The following MTA3 variants were observed in gnomAD, a reference collection of about 807,000 sequenced individuals.
The protein encoded by MTA3 is metastasis associated 1 family member 3.
A neutral mutation model predicts 83.5 loss-of-function variants in MTA3; 34 were observed. That is an observed-to-expected ratio of 0.41 (90% CI 0.31 to 0.54). The LOEUF is 0.54. MTA3 is among the 20% of genes least tolerant of loss of function. The pLI, the probability that MTA3 is intolerant of heterozygous loss-of-function variation, is 0.33. For missense variants in MTA3, 761 were observed against 726.4 expected (o/e 1.05, Z -0.55); for synonymous variants, 303 against 252.7 (o/e 1.20, Z -1.89).
chr2:42,755,146 A>G lies in MTA3; in HGVS notation c.*1747A>G, dbSNP rs1302129032. ...TGGGAGGAGGTGCCGCATCACGTGG[A>G]TGTTTCTTCCCTAAAGAAAAAGACA... On this transcript the variant is annotated 3_prime_UTR_variant, in exon 17 of 17. Coordinates refer to ENST00000405094, the MANE Select transcript of MTA3 (RefSeq NM_001330442.2). 1.0e-6 allele frequency: 1 copy of G among 985,260 alleles called. No individual in the cohort carries two copies. Among genetic ancestry groups the G allele is most frequent in the Non-Finnish European group, 1.2e-6 (1 of 829,962 alleles). 61.0% of individuals were successfully genotyped at this position (985,260 alleles called of 1,614,324 possible).
At chr2:42,553,448 G>A (rs577053695) in intron 2 of MTA3, among the ~76,000 whole-genome samples, 1 of 145,536 alleles carries the variant, frequency 6.9e-6, no homozygotes, top group South Asian at 2.2e-4. Flanking sequence ...ATTAGGCTGG[G>A]TGTTGGGCCA....
intron 14 of MTA3, among the ~76,000 whole-genome samples, chr2:42,718,781 A>C (rs1041659192): frequency 3.9e-5 from 6 of 152,114 alleles, no homozygotes; most frequent in Admixed American, 6.5e-5. Context: ...ACTACTACTA[A>C]TAATTACATG....
At chr2:42,676,546 G>C (rs750131646) in intron 8 of MTA3, among the ~76,000 whole-genome samples, 3 of 152,112 alleles carry the variant, frequency 2.0e-5, no homozygotes, top group Non-Finnish European at 2.9e-5. Context: ...CAGGCAGATC[G>C]CTTGAGCCCA....
At chr2:42,556,633 A>G (rs180986449) in intron 2 of MTA3, among the ~76,000 whole-genome samples, 93 of 152,300 alleles carry the variant, frequency 6.1e-4, no homozygotes, top group African/African-American at 2.0e-3. Context: ...AAGCTCGACC[A>G]AGATGGAGAA....
chr2:42,674,578 T>C (rs1170214392), intron 8 of MTA3, among the ~76,000 whole-genome samples: 1 of 150,960 alleles, frequency 6.6e-6, no homozygotes, highest in Admixed American at 6.7e-5. Flanking sequence ...GGAAGACTTT[T>C]AGTTTAGTTT....
Position 42,499,825 on chromosome 2 carries a change from T to G in MTA3, c.-141+4571T>G, listed in dbSNP as rs1006247920. On this transcript the variant is annotated intron_variant, in intron 2 of 17. Transcript: ENST00000405592. ...GACAGAAAGAAACTTTCAGAAGTGA[T>G]GGATATGTTTATGGCATAGATTGTG... Among the ~76,000 whole-genome samples the G allele has an allele frequency of 6.6e-5, 10 of 151,904 alleles. No homozygotes were observed. The East Asian group carries it at 1.9e-3, about 30-fold the overall frequency.
At chr2:42,707,051 A>G (rs1337936768) in intron 12 of MTA3, among the ~76,000 whole-genome samples, 1 of 150,158 alleles carries the variant, frequency 6.7e-6, no homozygotes, top group South Asian at 2.2e-4. Context: ...AGTGGCCTCA[A>G]CCTCCCAGGC....
rs1389061526 is a variant in MTA3, at chr2:42,579,109, T to G, written c.99T>G (p.Thr33=). 2 of 1,601,580 alleles carry G rather than the reference T, an allele frequency of 1.2e-6. No homozygotes were observed. Among genetic ancestry groups the G allele is most frequent in the Admixed American group, 3.5e-5 (2 of 57,880 alleles). Residue 33 remains threonine (T), a splice_region_variant and synonymous_variant, in exon 3 of 17, where the codon ACT becomes ACG. Transcript: ENST00000405094. ...LIRRIEELNK[T]ASGNVEAKVV... is the part of the protein sequence containing the mutation. ...CTTTTATTTTTCTTATCTCTTAGAC[T>G]GCAAGTGGCAACGTGGAAGCAAAAG...
At chr2:42,598,056 T>G (rs1196307660) in intron 3 of MTA3, among the ~76,000 whole-genome samples, 7 of 151,484 alleles carry the variant, frequency 4.6e-5, no homozygotes, top group African/African-American at 1.7e-4. Context: ...TTTTTGCTAC[T>G]ATTTTTATTT....
At chr2:42,669,731 A>G (rs887295140) in intron 8 of MTA3, among the ~76,000 whole-genome samples, 7 of 152,210 alleles carry the variant, frequency 4.6e-5, no homozygotes, top group African/African-American at 1.7e-4. Flanking sequence ...TTTATGGTCT[A>G]TTAATCCATC....
At position 42,705,717 on chromosome 2, in the gene MTA3, CA is replaced by C. The variant is rs1185143782; in HGVS notation, c.1150+1409del. 3.9e-3 allele frequency among the ~76,000 whole-genome samples: 589 copies of C among 149,648 alleles called. 5 individuals are homozygous for C. The highest frequency in any genetic ancestry group is 0.013 in the African/African-American group (538 of 40,910). ...TGAAACATCGTCTCCCCCCCGCCCC[CA>C]AAAAAAAAATTAACTTGCAAACCCC... On this transcript the variant is annotated intron_variant, in intron 12 of 16. Transcript: ENST00000405094.
At chr2:42,583,304 A>G (rs1398391776) in intron 3 of MTA3, among the ~76,000 whole-genome samples, 1 of 152,170 alleles carries the variant, frequency 6.6e-6, no homozygotes, top group African/African-American at 2.4e-5. Context: ...ATATCCGGGA[A>G]TGGTGGAGTT....
intron 11 of MTA3, among the ~76,000 whole-genome samples, chr2:42,701,531 A>G (rs2104486788): frequency 6.6e-6 from 1 of 152,204 alleles, no homozygotes; most frequent in South Asian, 2.1e-4. Flanking sequence ...CAGGAGGTCA[A>G]GACTGCAGTG....
chr2:42,544,702 CAG>C (rs1457483674), intron 2 of MTA3, among the ~76,000 whole-genome samples: 5 of 151,570 alleles, frequency 3.3e-5, no homozygotes. Context: ...TTAAAAAAAA[CAG>C]TGATATTCCT....
intron 3 of MTA3, among the ~76,000 whole-genome samples, chr2:42,609,176 G>A (rs1683876864): frequency 1.3e-5 from 2 of 151,674 alleles, no homozygotes; most frequent in South Asian, 2.1e-4. Flanking sequence ...GATTACAGGC[G>A]CCCACCACCA....
chr2:42,739,695 A>T (rs548721104), intron 16 of MTA3, among the ~76,000 whole-genome samples: 55 of 152,308 alleles, frequency 3.6e-4, no homozygotes, highest in Non-Finnish European at 5.3e-4. Flanking sequence ...CCACATTAGA[A>T]CTTCTTTCAA....
intron 3 of MTA3, among the ~76,000 whole-genome samples, chr2:42,583,956 G>A (rs1382112305): frequency 2.6e-5 from 4 of 151,690 alleles, no homozygotes; most frequent in Admixed American, 2.6e-4. Flanking sequence ...CGATTCTCCT[G>A]TCTCAGCCCC....
chr2:42,689,079 A>G (rs987095546), intron 9 of MTA3, among the ~76,000 whole-genome samples: 2 of 152,186 alleles, frequency 1.3e-5, no homozygotes, highest in Non-Finnish European at 2.9e-5. Flanking sequence ...TGTTTTATGC[A>G]TCAGTTGTGA....
chr2:42,651,959 G>C (rs1323758018), intron 6 of MTA3, among the ~76,000 whole-genome samples: 1 of 152,130 alleles, frequency 6.6e-6, no homozygotes, highest in African/African-American at 2.4e-5. Context: ...AGCTGGTCAT[G>C]GTGGTGGGCA....
Sources: allele counts gnomAD v4.1 joint callset (sites outside exome capture counted in the v4.1 genomes callset), GRCh38; gene constraint gnomAD v4.1.1; transcripts MANE v1.5; gene names NCBI Gene and HGNC (gene_info 2026-07-23, HGNC 2026-07-21).